The following PFKFB3 variants were observed in gnomAD, a reference collection of about 807,000 sequenced individuals.
PFKFB3 encodes 6-phosphofructo-2-kinase/fructose-2,6-bisphosphatase 3.
In PFKFB3, 33 loss-of-function variants were observed where a neutral mutation model predicts 68.0. That is an observed-to-expected ratio of 0.49 (90% CI 0.37 to 0.65). The LOEUF (loss-of-function observed/expected upper bound fraction) is 0.65, where lower values mean the gene tolerates loss of function less well. Ranked by LOEUF, PFKFB3 falls within the 30% of genes least tolerant of loss-of-function variation. The pLI is 0.00. For synonymous variants in PFKFB3, 315 were observed against 288.2 expected, an observed-to-expected ratio of 1.09 and a Z score of -0.94; for missense variants, 586 against 712.2, an observed-to-expected ratio of 0.82 and a Z score of 2.02.
chr10:6,181,023 AATT>A (rs922065636), intron 1 of PFKFB3, among the ~76,000 whole-genome samples: 13 of 152,124 alleles, frequency 8.5e-5, no homozygotes, highest in African/African-American at 3.1e-4. Flanking sequence ...TTTCATTTGT[AATT>A]ATTTTAGAGA....
At position 6,241,174 on chromosome 10, in the gene PFKFB3, G is replaced by T. The variant is rs1182410506; in HGVS notation, c.1516-13004G>T. The stretch of plus-strand genomic sequence containing the variant: ...CCCACCTTGGCCTCCCAAAGTGCTG[G>T]GATTACAGCTGTGAGCCACCGCGCC... On this transcript the variant is annotated intron_variant, in intron 14 of 14. Transcript: ENST00000640683. 3.9e-5 allele frequency among the ~76,000 whole-genome samples: 6 copies of T among 152,086 alleles called. No individual in the cohort carries two copies. In the East Asian group the frequency reaches 5.8e-4, roughly 15 times the overall value.
chr10:6,228,881 C>T lies in PFKFB3; in HGVS notation c.1515+2516C>T, dbSNP rs1157148419. 1.3e-5 allele frequency among the ~76,000 whole-genome samples: 2 copies of T among 152,164 alleles called. No homozygotes were observed. Among genetic ancestry groups the T allele is most frequent in the Non-Finnish European group, 2.9e-5 (2 of 68,026 alleles). ...CCCATGTGGTCACTTCTGCTCCTCC[C>T]AGAGCTCTCTGCAGAGTTTCAGGTT... On this transcript the variant is annotated intron_variant, in intron 14 of 14. Transcript: ENST00000379775. The surrounding 1 kb of genome is among the most constrained non-coding windows in gnomAD (Gnocchi z 4.5).
chr10:6,247,586 G>C (rs750360904), intron 14 of PFKFB3, among the ~76,000 whole-genome samples: 7 of 152,160 alleles, frequency 4.6e-5, no homozygotes, highest in Non-Finnish European at 1.0e-4. Context: ...CCAGCCCAGA[G>C]CCCTGTCCCA....
At chr10:6,272,258 G>A in the PFKFB3 span, among the ~76,000 whole-genome samples, 79,774 of 152,048 alleles carry the variant, frequency 0.52, 22,056 homozygotes, top group Non-Finnish European at 0.64. Flanking sequence ...GGACTTGCAG[G>A]TAATGGTCTC....
the PFKFB3 span, among the ~76,000 whole-genome samples, chr10:6,315,547 G>A: frequency 1.3e-5 from 2 of 152,050 alleles, no homozygotes; most frequent in African/African-American, 4.8e-5. Flanking sequence ...GCAATGGTGC[G>A]ATCTAGGCTC....
intron 14 of PFKFB3, chr10:6,231,205 TTC>T: frequency 4.9e-6 from 6 of 1,224,290 alleles, no homozygotes; most frequent in Non-Finnish European, 7.2e-6. Context: ...ACTAAAGATT[TTC>T]TTTTTTTTTT....
In PFKFB3 at chr10:6,154,362, C is replaced by G. The variant is rs903590741; in HGVS notation, c.16+9349C>G. The stretch of plus-strand genomic sequence containing the variant: ...TCGAGTTCAAGCGATCCTCCTGCCT[C>G]AGCCTCCAGGGCAGCTGGGATTACA... On this transcript the variant is annotated intron_variant, in intron 1 of 14. Coordinates refer to the PFKFB3 transcript ENST00000379789. This position sits in a 1 kb window ranked among gnomAD's most constrained non-coding sequence, Gnocchi z 4.6. Among the ~76,000 whole-genome samples the G allele has an allele frequency of 6.6e-6, 1 of 152,040 alleles. No homozygotes were observed. Among genetic ancestry groups the G allele is most frequent in the African/African-American group, 2.4e-5 (1 of 41,388 alleles).
At chr10:6,254,524 C>T (rs1372482305) in exon 15 of PFKFB3, 2 of 396,456 alleles carry the variant, frequency 5.0e-6, no homozygotes, top group African/African-American at 4.1e-5. Flanking sequence ...GACACTTCCA[C>T]TTTACAATGA....
intron 1 of PFKFB3, among the ~76,000 whole-genome samples, chr10:6,169,738 C>T (rs567018142): frequency 6.6e-6 from 1 of 152,272 alleles, no homozygotes; most frequent in East Asian, 1.9e-4. Context: ...ATGTTTATGT[C>T]CCAGGGTGAA....
intron 14 of PFKFB3, chr10:6,254,037 G>A (rs542566094): frequency 1.1e-4 from 41 of 386,402 alleles, no homozygotes; most frequent in South Asian, 2.9e-4. Flanking sequence ...GTGAGACTCC[G>A]TCTCAAAAAA....
chr10:6,315,446 G>A, the PFKFB3 span, among the ~76,000 whole-genome samples: 1 of 152,116 alleles, frequency 6.6e-6, no homozygotes, highest in Non-Finnish European at 1.5e-5. Flanking sequence ...TATTCTTGGA[G>A]GTGTCACTTA....
intron 1 of PFKFB3, among the ~76,000 whole-genome samples, chr10:6,190,664 A>G (rs1244325559): frequency 1.3e-5 from 2 of 152,152 alleles, no homozygotes; most frequent in African/African-American, 4.8e-5. Flanking sequence ...AAAACAACAG[A>G]TTGTACCAGA....
chr10:6,254,906 C>T (rs537273946), downstream of PFKFB3, among the ~76,000 whole-genome samples: 56 of 145,816 alleles, frequency 3.8e-4, no homozygotes, highest in Non-Finnish European at 7.5e-4. Flanking sequence ...CAGCCTCCCA[C>T]TCCTGGGTTC....
At chr10:6,303,892 G>A in the PFKFB3 span, among the ~76,000 whole-genome samples, 1 of 151,914 alleles carries the variant, frequency 6.6e-6, no homozygotes, top group Admixed American at 6.6e-5. Context: ...CAGGAGTGAA[G>A]TGTCCCATCT....
At chr10:6,291,073 A>C in the PFKFB3 span, among the ~76,000 whole-genome samples, 2 of 152,058 alleles carry the variant, frequency 1.3e-5, no homozygotes, top group African/African-American at 4.8e-5. Context: ...AATAGGCATA[A>C]ATCAAAAACA....
chr10:6,218,077 G>C (rs1844709448), intron 6 of PFKFB3, among the ~76,000 whole-genome samples: 1 of 152,198 alleles, frequency 6.6e-6, no homozygotes, highest in African/African-American at 2.4e-5. Flanking sequence ...AGTCAGTTTA[G>C]ATTTGTCCAG....
At chr10:6,210,415 C>T (rs1271573963) in intron 1 of PFKFB3, among the ~76,000 whole-genome samples, 3 of 94,854 alleles carry the variant, frequency 3.2e-5, no homozygotes, top group African/African-American at 6.3e-5. Flanking sequence ...GGCTGGAGTG[C>T]AGTGGCGCTA....
chr10:6,196,376 A>G (rs1230163337), intron 1 of PFKFB3, among the ~76,000 whole-genome samples: 1 of 152,100 alleles, frequency 6.6e-6, no homozygotes, highest in Non-Finnish European at 1.5e-5. Flanking sequence ...ATAGATGTAT[A>G]TATAAGGGGA....
intron 6 of PFKFB3, 21 bp downstream of exon 6, chr10:6,217,212 G>A: frequency 2.5e-6 from 4 of 1,609,218 alleles, no homozygotes; most frequent in African/African-American, 1.3e-5. Context: ...CGGGAGCCCC[G>A]TGCTTCTGCG....
Sources: gnomAD v4.1 joint callset for allele counts (sites outside exome capture counted in the v4.1 genomes callset) on GRCh38, gnomAD v4.1.1 for gene constraint, Gnocchi (gnomAD v3.1) non-coding constraint, MANE v1.5 for transcripts, NCBI Gene and HGNC (gene_info 2026-07-23, HGNC 2026-07-21) for gene names.